RBFOX1: variants seen among roughly 807,000 people sequenced by gnomAD.
RBFOX1 encodes the protein RNA binding fox-1 homolog 1.
Under a neutral mutation model 57.7 loss-of-function variants are expected in RBFOX1, and 8 were observed. The observed-to-expected ratio is 0.14, with a 90% confidence interval of 0.08 to 0.25. RBFOX1 has a LOEUF of 0.25. Ranked by LOEUF, RBFOX1 falls within the 10% of genes least tolerant of loss-of-function variation. The probability of loss-of-function intolerance (pLI) is 1.00; values close to 1 mark genes in which losing one functional copy is unlikely to be tolerated. For synonymous variants in RBFOX1, 326 were observed against 222.4 expected, an observed-to-expected ratio of 1.47 and a Z score of -4.15; for missense variants, 611 against 548.5, an observed-to-expected ratio of 1.11 and a Z score of -1.14.
intron 1 of RBFOX1, among the ~76,000 whole-genome samples, chr16:5,244,085 T>C (rs1325033545): frequency 6.6e-6 from 1 of 152,028 alleles, no homozygotes; most frequent in Non-Finnish European, 1.5e-5. Context: ...TTGGTAGATA[T>C]GAGGTTTCAC....
At chr16:6,092,223 A>C (rs1187715402) in intron 1 of RBFOX1, among the ~76,000 whole-genome samples, 1 of 152,232 alleles carries the variant, frequency 6.6e-6, no homozygotes, top group African/African-American at 2.4e-5. Context: ...GTCACATGGC[A>C]GCCAAGCTCT....
chr16:5,431,305 G>A (rs1367762948), intron 1 of RBFOX1, among the ~76,000 whole-genome samples: 2 of 152,152 alleles, frequency 1.3e-5, no homozygotes, highest in African/African-American at 2.4e-5. Context: ...TATTTCAACC[G>A]TGCAGAAATA....
At chr16:6,742,591 A>G (rs1476503495) in intron 3 of RBFOX1, among the ~76,000 whole-genome samples, 1 of 152,184 alleles carries the variant, frequency 6.6e-6, no homozygotes, top group Non-Finnish European at 1.5e-5. Flanking sequence ...CAAAATATCT[A>G]CAGTAGGTGA....
At chr16:6,988,281 G>C (rs2090728522) in intron 3 of RBFOX1, among the ~76,000 whole-genome samples, 1 of 152,238 alleles carries the variant, frequency 6.6e-6, no homozygotes, top group Non-Finnish European at 1.5e-5. Context: ...AAGCCCTATA[G>C]ACCTTTAGAG....
intron 2 of RBFOX1, among the ~76,000 whole-genome samples, chr16:6,364,154 C>A (rs1458944656): frequency 6.6e-6 from 1 of 152,200 alleles, no homozygotes. Context: ...AGAAGTCCAA[C>A]TCTCCTTTGC....
rs180779167 is a variant in RBFOX1, at chr16:6,851,464, T to G, written c.-16+196814T>G. 2.0e-5 allele frequency among the ~76,000 whole-genome samples: 3 copies of G among 152,316 alleles called. No individual in the cohort carries two copies. The East Asian group carries it at 5.8e-4, about 29-fold the overall frequency. ...GTGAATCTACAGTTATCTCAAAAAG[T>G]TTAATTTTTAAAATTCCTTCATATA... On this transcript the variant is annotated intron_variant, in intron 3 of 15. Coordinates refer to ENST00000550418, the MANE Select transcript of RBFOX1 (RefSeq NM_018723.4).
chr16:6,880,951 A>G (rs1037057666), intron 3 of RBFOX1, among the ~76,000 whole-genome samples: 1 of 152,170 alleles, frequency 6.6e-6, no homozygotes, highest in African/African-American at 2.4e-5. Flanking sequence ...TAGGAGATTC[A>G]ATCTAATAAC....
chr16:5,292,718 G>C (rs1215242666), intron 1 of RBFOX1, among the ~76,000 whole-genome samples: 2 of 152,036 alleles, frequency 1.3e-5, no homozygotes, highest in African/African-American at 4.8e-5. Flanking sequence ...CTGCCTCACT[G>C]GTTCAAGCGA....
At chr16:6,318,284 A>G (rs1182722207) in intron 2 of RBFOX1, among the ~76,000 whole-genome samples, 1 of 152,216 alleles carries the variant, frequency 6.6e-6, no homozygotes, top group East Asian at 1.9e-4. Context: ...CTAATTCCCT[A>G]CGTGCCACAT....
chr16:6,597,982 G>T (rs1410967345), intron 2 of RBFOX1, among the ~76,000 whole-genome samples: 1 of 152,182 alleles, frequency 6.6e-6, no homozygotes, highest in South Asian at 2.1e-4. Context: ...GAGTTGCTCA[G>T]AAAGTCCAGG....
intron 4 of RBFOX1, among the ~76,000 whole-genome samples, chr16:5,894,516 C>A (rs1337556351): frequency 1.3e-5 from 2 of 152,036 alleles, no homozygotes; most frequent in Non-Finnish European, 2.9e-5. Context: ...CTCAGATAAC[C>A]CACCAGCCTT....
chr16:5,396,534 C>G (rs951184307), intron 1 of RBFOX1, among the ~76,000 whole-genome samples: 1 of 152,092 alleles, frequency 6.6e-6, no homozygotes, highest in Non-Finnish European at 1.5e-5. Flanking sequence ...CCCAACTACT[C>G]AGGAGGCTGA....
chr16:6,396,916 T>C (rs1265809224), intron 2 of RBFOX1, among the ~76,000 whole-genome samples: 1 of 152,134 alleles, frequency 6.6e-6, no homozygotes, highest in Admixed American at 6.5e-5. Flanking sequence ...AATAAAATAT[T>C]TGAAATGACA....
intron 1 of RBFOX1, among the ~76,000 whole-genome samples, chr16:5,277,468 A>G (rs1028284864): frequency 7.5e-5 from 3 of 39,804 alleles, no homozygotes; most frequent in Admixed American, 2.5e-4. Context: ...GAAATATACA[A>G]TAAATTGTTA....
intron 4 of RBFOX1, among the ~76,000 whole-genome samples, chr16:7,357,839 A>G (rs1209190776): frequency 6.6e-6 from 1 of 151,938 alleles, no homozygotes; most frequent in Non-Finnish European, 1.5e-5. Context: ...ACTCTCCTCT[A>G]AGGCTTCTTT....
chr16:5,538,576 T>C (rs994332943), intron 2 of RBFOX1, among the ~76,000 whole-genome samples: 1 of 151,972 alleles, frequency 6.6e-6, no homozygotes, highest in Non-Finnish European at 1.5e-5. Context: ...GGCATTTATA[T>C]ATCATAATGC....
At chr16:6,508,834 C>T (rs148219863) in intron 2 of RBFOX1, among the ~76,000 whole-genome samples, 5 of 150,882 alleles carry the variant, frequency 3.3e-5, no homozygotes, top group African/African-American at 1.2e-4. Flanking sequence ...CACGGTAAAA[C>T]TGCGCTTACT....
intron 4 of RBFOX1, among the ~76,000 whole-genome samples, chr16:7,127,744 C>T (rs545446365): frequency 6.6e-6 from 1 of 152,306 alleles, no homozygotes; most frequent in Non-Finnish European, 1.5e-5. Flanking sequence ...CTTTTATCTT[C>T]TGCATTCTTC....
intron 3 of RBFOX1, among the ~76,000 whole-genome samples, chr16:6,928,182 G>T (rs1046177965): frequency 6.6e-6 from 1 of 152,112 alleles, no homozygotes; most frequent in African/African-American, 2.4e-5. Flanking sequence ...GCATTGCATG[G>T]GGAGTGTTAG....
Sources: allele counts gnomAD v4.1 joint callset (sites outside exome capture counted in the v4.1 genomes callset), GRCh38; gene constraint gnomAD v4.1.1; transcripts MANE v1.5; gene names NCBI Gene and HGNC (gene_info 2026-07-23, HGNC 2026-07-21).